Variants in MAGI2 observed in about 807,000 individuals in gnomAD.
The protein encoded by MAGI2 is membrane associated guanylate kinase, WW and PDZ domain containing 2.
Under a neutral mutation model 133.3 loss-of-function variants are expected in MAGI2, and 35 were observed. The ratio of observed to expected loss-of-function variants is 0.26; its 90% confidence interval spans 0.20 to 0.35. The LOEUF is 0.35. MAGI2 is among the 10% of genes least tolerant of loss of function. The probability of loss-of-function intolerance (pLI) is 1.00; values close to 1 mark genes in which losing one functional copy is unlikely to be tolerated. For missense variants in MAGI2, 1,636 were observed against 1,863.4 expected (o/e 0.88, Z 2.25); for synonymous variants, 729 against 710.6 (o/e 1.03, Z -0.41).
chr7:78,294,547 A>C (rs1384398631), intron 9 of MAGI2, among the ~76,000 whole-genome samples: 1 of 152,150 alleles, frequency 6.6e-6, no homozygotes, highest in Non-Finnish European at 1.5e-5. Flanking sequence ...TAAACTTACC[A>C]TTTGGAAAAG....
intron 4 of MAGI2, among the ~76,000 whole-genome samples, chr7:78,508,522 T>C (rs974106401): frequency 2.0e-5 from 3 of 152,212 alleles, no homozygotes; most frequent in African/African-American, 7.2e-5. Flanking sequence ...GTTAAGAAAT[T>C]ACCCGTTAAG....
At chr7:78,613,896 G>A (rs1437662193) in intron 3 of MAGI2, among the ~76,000 whole-genome samples, 1 of 151,798 alleles carries the variant, frequency 6.6e-6, no homozygotes, top group Non-Finnish European at 1.5e-5. Context: ...ATTACTTGAG[G>A]TCAGGAGTTT....
chr7:79,381,101 C>T (rs192078569), intron 1 of MAGI2, among the ~76,000 whole-genome samples: 39 of 151,040 alleles, frequency 2.6e-4, no homozygotes, highest in African/African-American at 9.5e-4. Flanking sequence ...TGTCTCAAGT[C>T]TAAGGACTCA....
intron 2 of MAGI2, among the ~76,000 whole-genome samples, chr7:78,830,105 A>G (rs978252226): frequency 2.0e-5 from 3 of 152,102 alleles, no homozygotes; most frequent in African/African-American, 4.8e-5. Flanking sequence ...ACTTTCATCA[A>G]AATGGGTTTT....
At chr7:78,625,486 T>A (rs904349958) in intron 3 of MAGI2, among the ~76,000 whole-genome samples, 2 of 152,106 alleles carry the variant, frequency 1.3e-5, no homozygotes, top group Non-Finnish European at 2.9e-5. Context: ...GAAAAGTTTA[T>A]AAAGTAAAAA....
rs115080100 is a variant in MAGI2, at chr7:79,079,466, A to T, written c.302-72260T>A. On this transcript the variant is annotated intron_variant, in intron 1 of 21. Transcript: ENST00000354212. ...ACATGTATTCTCCAAGGGAAGAGGA[A>T]CATTTAAACAAGGCCTTAAAAACAG... 7.5e-3 allele frequency among the ~76,000 whole-genome samples: 1,149 copies of T among 152,298 alleles called. 18 individuals are homozygous for T. Among genetic ancestry groups the T allele is most frequent in the African/African-American group, 0.026 (1,093 of 41,582 alleles).
intron 2 of MAGI2, among the ~76,000 whole-genome samples, chr7:78,692,767 T>C (rs1472120544): frequency 6.6e-6 from 1 of 152,164 alleles, no homozygotes; most frequent in East Asian, 1.9e-4. Context: ...ATAGCACACG[T>C]ATGAAGTGTG....
intron 2 of MAGI2, among the ~76,000 whole-genome samples, chr7:78,893,787 T>A (rs1374863584): frequency 6.6e-6 from 1 of 152,068 alleles, no homozygotes; most frequent in Non-Finnish European, 1.5e-5. Flanking sequence ...AATGACGAGT[T>A]AATGGGTGCA....
At chr7:78,612,745 G>T (rs902965940) in intron 3 of MAGI2, among the ~76,000 whole-genome samples, 1 of 151,794 alleles carries the variant, frequency 6.6e-6, no homozygotes, top group African/African-American at 2.4e-5. Flanking sequence ...TCTCTGCTCA[G>T]TGCAACCTCC....
chr7:78,658,482 A>G (rs532584209), intron 2 of MAGI2, among the ~76,000 whole-genome samples: 2 of 152,208 alleles, frequency 1.3e-5, no homozygotes, highest in Non-Finnish European at 2.9e-5. Context: ...TGGGCTTCAT[A>G]TAATTAAGAT....
intron 2 of MAGI2, among the ~76,000 whole-genome samples, chr7:78,730,830 T>A (rs1311816452): frequency 6.6e-6 from 1 of 152,150 alleles, no homozygotes; most frequent in Non-Finnish European, 1.5e-5. Flanking sequence ...TAACAAGATT[T>A]TAAGTTTGCC....
chr7:78,503,615 T>TTCTCCCCCTCCTC (rs1794838522), intron 4 of MAGI2, among the ~76,000 whole-genome samples: 2 of 41,592 alleles, frequency 4.8e-5, no homozygotes, highest in African/African-American at 2.5e-4. Context: ...TCCCCCTCCT[T>TTCTCCCCCTCCTC]CCCCTCCCAC....
chr7:78,414,003 C>G lies in MAGI2; in HGVS notation c.1046-44790G>C, dbSNP rs189073340. On this transcript the variant is annotated intron_variant, in intron 6 of 21. Transcript: ENST00000354212. ...TGGCAGATTTTTAAGTTAATGGGAA[C>G]ATATTCCAGCCATCACAGATTTTTA... Among the ~76,000 whole-genome samples, 14 of 152,116 alleles carry G rather than the reference C, an allele frequency of 9.2e-5. No individual in the cohort carries two copies. The East Asian group carries it at 2.3e-3, about 25-fold the overall frequency.
At chr7:78,925,681 A>G (rs1799638648) in intron 2 of MAGI2, among the ~76,000 whole-genome samples, 1 of 152,090 alleles carries the variant, frequency 6.6e-6, no homozygotes, top group African/African-American at 2.4e-5. Context: ...GCTTCTATTA[A>G]TTTAGACATT....
At chr7:78,989,281 G>A (rs980431644) in intron 2 of MAGI2, among the ~76,000 whole-genome samples, 6 of 151,918 alleles carry the variant, frequency 3.9e-5, no homozygotes, top group South Asian at 2.1e-4. Context: ...TTAACCACCC[G>A]TCATACTTTT....
chr7:78,201,885 G>T (rs1163520144), intron 10 of MAGI2, among the ~76,000 whole-genome samples: 4 of 152,078 alleles, frequency 2.6e-5, no homozygotes, highest in Non-Finnish European at 5.9e-5. Context: ...AATGATTCGA[G>T]TAACCCTGTT....
At chr7:79,101,648 C>T (rs868308109) in intron 1 of MAGI2, among the ~76,000 whole-genome samples, 2 of 141,202 alleles carry the variant, frequency 1.4e-5, no homozygotes, top group Admixed American at 7.8e-5. Context: ...GGCGGGAACC[C>T]GGGAGGTGGA....
chr7:79,202,642 A>G (rs899898601), intron 1 of MAGI2, among the ~76,000 whole-genome samples: 1 of 152,054 alleles, frequency 6.6e-6, no homozygotes, highest in Non-Finnish European at 1.5e-5. Context: ...CAGGTGAACA[A>G]GGAAACGTTT....
chr7:78,544,284 G>C (rs2150678907), intron 3 of MAGI2, among the ~76,000 whole-genome samples: 1 of 152,310 alleles, frequency 6.6e-6, no homozygotes, highest in Admixed American at 6.5e-5. Context: ...TCTGTGTCAG[G>C]AACACATGAA....
Sources: allele counts gnomAD v4.1 joint callset (sites outside exome capture counted in the v4.1 genomes callset), GRCh38; gene constraint gnomAD v4.1.1; transcripts MANE v1.5; gene names NCBI Gene and HGNC (gene_info 2026-07-23, HGNC 2026-07-21).